FHIT: variants seen among roughly 807,000 people sequenced by gnomAD.
The protein encoded by FHIT is fragile histidine triad diadenosine triphosphatase.
A neutral mutation model predicts 17.9 loss-of-function variants in FHIT; 19 were observed. The ratio of observed to expected loss-of-function variants is 1.06; its 90% CI spans 0.74 to 1.56. The LOEUF (loss-of-function observed/expected upper bound fraction) is 1.56, where lower values mean the gene tolerates loss of function less well. Among genes scored for constraint, FHIT ranks in the 40% most tolerant of loss-of-function variants. The probability of loss-of-function intolerance (pLI) is 0.00; values close to 1 mark genes in which losing one functional copy is unlikely to be tolerated. For synonymous variants in FHIT, 81 were observed against 69.7 expected (o/e 1.16, Z -0.81); for missense variants, 248 against 189.2 (o/e 1.31, Z -1.82).
intron 1 of FHIT, among the ~76,000 whole-genome samples, chr3:61,227,389 T>C (rs746048033): frequency 5.3e-5 from 8 of 152,228 alleles, no homozygotes; most frequent in Non-Finnish European, 1.0e-4. Context: ...CTTGCTGATC[T>C]AAATATTAAG....
intron 5 of FHIT, among the ~76,000 whole-genome samples, chr3:60,159,833 G>A (rs539024638): frequency 6.6e-6 from 1 of 152,028 alleles, no homozygotes; most frequent in African/African-American, 2.4e-5. Context: ...TAACTCCAGG[G>A]AACATGCTCA....
At chr3:60,728,652 A>C (rs2041965077) in intron 4 of FHIT, among the ~76,000 whole-genome samples, 1 of 151,790 alleles carries the variant, frequency 6.6e-6, no homozygotes, top group East Asian at 1.9e-4. Context: ...ATACTTGACC[A>C]ATTTAAAATT....
chr3:60,179,358 CTA>C (rs2107436078), intron 5 of FHIT, among the ~76,000 whole-genome samples: 1 of 152,320 alleles, frequency 6.6e-6, no homozygotes, highest in South Asian at 2.1e-4. Context: ...TCTTTTCACA[CTA>C]TGCATACTTC....
chr3:59,969,975 C>A (rs1708102100), intron 7 of FHIT, among the ~76,000 whole-genome samples: 1 of 152,044 alleles, frequency 6.6e-6, no homozygotes, highest in African/African-American at 2.4e-5. Context: ...ACATCTCCCT[C>A]CAGAAAATTG....
chr3:60,838,828 G>A (rs2106851555), intron 3 of FHIT, among the ~76,000 whole-genome samples: 1 of 152,296 alleles, frequency 6.6e-6, no homozygotes, highest in South Asian at 2.1e-4. Context: ...ATGCAGGTAT[G>A]TACTTGTCAC....
intron 4 of FHIT, among the ~76,000 whole-genome samples, chr3:60,790,312 T>C (rs1337601102): frequency 1.3e-5 from 2 of 152,150 alleles, no homozygotes; most frequent in Non-Finnish European, 2.9e-5. Context: ...GACATGAAAA[T>C]AGTCAAAATT....
At chr3:60,615,788 T>C (rs2038933571) in intron 4 of FHIT, among the ~76,000 whole-genome samples, 2 of 152,198 alleles carry the variant, frequency 1.3e-5, no homozygotes, top group Admixed American at 6.5e-5. Flanking sequence ...TATGATTCCA[T>C]AAGATAAGGC....
In FHIT at chr3:60,102,006, G is replaced by C. The variant is rs139070507; in HGVS notation, c.104-87854C>G. Among the ~76,000 whole-genome samples, 818 of 152,290 alleles carry C rather than the reference G, an allele frequency of 5.4e-3. 6 individuals carry two copies. The highest frequency in any genetic ancestry group is 0.018 in the African/African-American group (759 of 41,552). On this transcript the variant is annotated intron_variant, in intron 5 of 9. Transcript: ENST00000492590. ...TGTTACTTCCTCTAGGATTTCAAAA[G>C]AATTTTTGAATGCACCAAGGCAAAG...
intron 8 of FHIT, among the ~76,000 whole-genome samples, chr3:59,783,182 A>T (rs895365170): frequency 1.3e-5 from 2 of 152,282 alleles, no homozygotes; most frequent in South Asian, 2.1e-4. Flanking sequence ...TATTAAAAGC[A>T]AATAATAGCT....
intron 2 of FHIT, among the ~76,000 whole-genome samples, chr3:61,193,514 T>C (rs957452004): frequency 1.3e-5 from 2 of 152,172 alleles, no homozygotes; most frequent in Admixed American, 6.5e-5. Context: ...AAATGTTTTA[T>C]GCTATAACAG....
At chr3:61,063,795 T>A (rs2034511482) in intron 2 of FHIT, among the ~76,000 whole-genome samples, 1 of 33,230 alleles carries the variant, frequency 3.0e-5, no homozygotes, top group South Asian at 5.0e-4. Context: ...AATCTATGAA[T>A]TTTTTTAACA....
At chr3:60,816,425 T>G (rs1245010157) in intron 4 of FHIT, among the ~76,000 whole-genome samples, 1 of 152,046 alleles carries the variant, frequency 6.6e-6, no homozygotes, top group African/African-American at 2.4e-5. Flanking sequence ...CAGTGCCTAC[T>G]TTCTTGAAGT....
intron 8 of FHIT, among the ~76,000 whole-genome samples, chr3:59,789,195 A>C (rs577297596): frequency 7.9e-5 from 12 of 152,198 alleles, no homozygotes; most frequent in Non-Finnish European, 1.8e-4. Context: ...TTTAAAGCCC[A>C]GATAGTAGGG....
At chr3:60,629,657 C>T (rs1339566634) in intron 4 of FHIT, among the ~76,000 whole-genome samples, 2 of 152,212 alleles carry the variant, frequency 1.3e-5, no homozygotes. Context: ...CTGATAGGTT[C>T]TTGTCCCTTA....
intron 2 of FHIT, among the ~76,000 whole-genome samples, chr3:61,174,598 A>G (rs891027708): frequency 2.0e-5 from 3 of 152,222 alleles, no homozygotes; most frequent in African/African-American, 4.8e-5. Flanking sequence ...TTGATTCAGC[A>G]TGTATTTTCT....
At chr3:60,087,390 C>T (rs1703541542) in intron 5 of FHIT, among the ~76,000 whole-genome samples, 1 of 152,192 alleles carries the variant, frequency 6.6e-6, no homozygotes, top group Admixed American at 6.5e-5. Flanking sequence ...TTTCACTGGA[C>T]TGGGCAATAG....
intron 4 of FHIT, among the ~76,000 whole-genome samples, chr3:60,752,652 T>C (rs1553717160): frequency 6.6e-6 from 1 of 152,204 alleles, no homozygotes; most frequent in African/African-American, 2.4e-5. Flanking sequence ...AATGCTGCTG[T>C]TTCCAAATCC....
chr3:60,630,537 TACC>T (rs1471369914), intron 4 of FHIT, among the ~76,000 whole-genome samples: 2 of 152,184 alleles, frequency 1.3e-5, no homozygotes, highest in Non-Finnish European at 2.9e-5. Context: ...GGAGTCACTG[TACC>T]ACCACCACAA....
intron 5 of FHIT, among the ~76,000 whole-genome samples, chr3:60,083,053 A>C (rs2107053733): frequency 1.3e-5 from 2 of 152,302 alleles, no homozygotes; most frequent in Middle Eastern, 6.8e-3. Flanking sequence ...TGATGTCCAG[A>C]AAGACATTTC....
Sources: allele counts gnomAD v4.1 joint callset (sites outside exome capture counted in the v4.1 genomes callset), GRCh38; gene constraint gnomAD v4.1.1; transcripts MANE v1.5; gene names NCBI Gene and HGNC (gene_info 2026-07-23, HGNC 2026-07-21).